Variants in DPH6 observed in about 807,000 individuals in gnomAD.
The protein encoded by DPH6 is diphthamine biosynthesis 6, also known as diphthine--ammonia ligase.
Under a neutral mutation model 38.2 loss-of-function variants are expected in DPH6, and 33 were observed. The observed-to-expected ratio is 0.86, with a 90% CI of 0.65 to 1.15. The LOEUF is 1.15. Among genes scored for constraint, DPH6 ranks in the 50% most tolerant of loss-of-function variants. The probability of loss-of-function intolerance (pLI) is 0.00; values close to 1 mark genes in which losing one functional copy is unlikely to be tolerated. For synonymous variants in DPH6, 108 were observed against 103.0 expected, an observed-to-expected ratio of 1.05 and a Z score of -0.30; for missense variants, 325 against 320.0, an observed-to-expected ratio of 1.02 and a Z score of -0.12.
intron 6 of DPH6, among the ~76,000 whole-genome samples, chr15:35,408,961 G>A (rs1332762167): frequency 6.6e-6 from 1 of 151,920 alleles, no homozygotes; most frequent in East Asian, 1.9e-4. Flanking sequence ...GGGGTCTTTA[G>A]GATGGGACAA....
intron 3 of DPH6, among the ~76,000 whole-genome samples, chr15:35,360,487 T>C (rs1166005353): frequency 1.3e-5 from 2 of 152,002 alleles, no homozygotes; most frequent in Non-Finnish European, 2.9e-5. Context: ...GGGGATAGAG[T>C]CAAGTCATAG....
At chr15:35,306,310 G>A (rs1184271926) in intron 3 of DPH6, among the ~76,000 whole-genome samples, 1 of 152,110 alleles carries the variant, frequency 6.6e-6, no homozygotes, top group Non-Finnish European at 1.5e-5. Flanking sequence ...TTCCCACCAA[G>A]GGAAATAATT....
intron 3 of DPH6, among the ~76,000 whole-genome samples, chr15:35,341,652 A>C (rs1006444455): frequency 8.5e-5 from 13 of 152,182 alleles, no homozygotes; most frequent in Non-Finnish European, 2.9e-5. Flanking sequence ...GGTCCACTCC[A>C]GACTCTAGTT....
chr15:35,387,063 T>C (rs2052973132), intron 6 of DPH6, among the ~76,000 whole-genome samples: 1 of 152,240 alleles, frequency 6.6e-6, no homozygotes, highest in Non-Finnish European at 1.5e-5. Flanking sequence ...TACATGTAGC[T>C]AGCCAGTTTT....
chr15:35,473,957 TGCGCGC>T (rs1191722971), intron 3 of DPH6, among the ~76,000 whole-genome samples: 1,263 of 38,494 alleles, frequency 0.033, 28 homozygotes, highest in African/African-American at 0.042. Context: ...TGTGTGTGTG[TGCGCGC>T]GCGCGCGTGA....
chr15:35,480,664 T>A (rs1381743954), intron 3 of DPH6, among the ~76,000 whole-genome samples: 1 of 151,900 alleles, frequency 6.6e-6, no homozygotes, highest in Admixed American at 6.6e-5. Flanking sequence ...AATTTAATAA[T>A]TCCACTAACA....
chr15:35,454,111 A>G (rs1271135359), intron 4 of DPH6, among the ~76,000 whole-genome samples: 8 of 152,118 alleles, frequency 5.3e-5, no homozygotes, highest in Admixed American at 1.3e-4. Flanking sequence ...TAAATAACCA[A>G]TATTATCATT....
chr15:35,186,094 A>G, the DPH6 span, among the ~76,000 whole-genome samples: 1 of 152,138 alleles, frequency 6.6e-6, no homozygotes, highest in Non-Finnish European at 1.5e-5. Context: ...CTTGCTCACC[A>G]GTCGGAAGCA....
the DPH6 span, among the ~76,000 whole-genome samples, chr15:35,186,538 T>C: frequency 6.6e-6 from 1 of 152,302 alleles, no homozygotes; most frequent in South Asian, 2.1e-4. Flanking sequence ...GGATGAATGA[T>C]TTAGGCTGCT....
chr15:35,222,778 C>T (rs2140385718), intron 3 of DPH6, among the ~76,000 whole-genome samples: 1 of 152,098 alleles, frequency 6.6e-6, no homozygotes, highest in East Asian at 1.9e-4. Flanking sequence ...TTGTCCTGTA[C>T]CTGTGAAGAT....
chr15:35,174,930 C>T, the DPH6 span, among the ~76,000 whole-genome samples: 1 of 152,106 alleles, frequency 6.6e-6, no homozygotes, highest in Admixed American at 6.6e-5. Context: ...TATCTCTTAC[C>T]TGCCTTCTAA....
the DPH6 span, among the ~76,000 whole-genome samples, chr15:35,159,332 A>T: frequency 6.6e-6 from 1 of 151,992 alleles, no homozygotes; most frequent in Non-Finnish European, 1.5e-5. Flanking sequence ...TTCTACAGCT[A>T]TTCTTTCTCT....
intron 3 of DPH6, among the ~76,000 whole-genome samples, chr15:35,523,075 A>AT (rs1376886413): frequency 6.6e-6 from 1 of 151,850 alleles, no homozygotes; most frequent in Non-Finnish European, 1.5e-5. Flanking sequence ...ACAGGAGTGT[A>AT]TTTTTTTGTG....
At chr15:35,443,018 G>A (rs1331322653) in intron 5 of DPH6, among the ~76,000 whole-genome samples, 1 of 152,068 alleles carries the variant, frequency 6.6e-6, no homozygotes, top group African/African-American at 2.4e-5. Flanking sequence ...ATTTTAAGTG[G>A]GTGACATGCA....
chr15:35,484,746 T>C (rs1163661411), intron 3 of DPH6, among the ~76,000 whole-genome samples: 1 of 152,106 alleles, frequency 6.6e-6, no homozygotes, highest in Non-Finnish European at 1.5e-5. Flanking sequence ...CAAAGGGAAA[T>C]TACAAAAGGG....
At chr15:35,346,261 C>T (rs1179599405) in intron 3 of DPH6, among the ~76,000 whole-genome samples, 4 of 151,966 alleles carry the variant, frequency 2.6e-5, no homozygotes, top group Non-Finnish European at 5.9e-5. Context: ...CCCTAAAATG[C>T]TTGGTAAAAT....
chr15:35,378,322 AAAC>A (rs2052809416), intron 7 of DPH6, among the ~76,000 whole-genome samples: 1 of 152,206 alleles, frequency 6.6e-6, no homozygotes, highest in African/African-American at 2.4e-5. Flanking sequence ...AAAAGTCAGG[AAAC>A]AACACATGCT....
intron 5 of DPH6, among the ~76,000 whole-genome samples, chr15:35,411,550 T>C (rs2053367292): frequency 6.6e-6 from 1 of 151,530 alleles, no homozygotes; most frequent in South Asian, 2.1e-4. Flanking sequence ...GACATAACAG[T>C]AGAGTTTATA....
the DPH6 span, among the ~76,000 whole-genome samples, chr15:35,153,851 G>A: frequency 1.6e-4 from 25 of 152,292 alleles, no homozygotes; most frequent in Middle Eastern, 3.4e-3. Flanking sequence ...ATTTTGTTGT[G>A]AAAATCTGGA....
Sources: gnomAD v4.1 joint callset for allele counts (sites outside exome capture counted in the v4.1 genomes callset) on GRCh38, gnomAD v4.1.1 for gene constraint, MANE v1.5 for transcripts, NCBI Gene and HGNC (gene_info 2026-07-23, HGNC 2026-07-21) for gene names.